The following MAMLD1 variants were observed in gnomAD, a reference collection of about 807,000 sequenced individuals.
MAMLD1 encodes the protein mastermind-like domain-containing protein 1.
Under a neutral mutation model 45.0 loss-of-function variants are expected in MAMLD1, and 14 were observed. The ratio of observed to expected loss-of-function variants is 0.31; its 90% CI spans 0.21 to 0.49. The LOEUF is 0.49. Among genes scored for constraint, MAMLD1 ranks in the 20% least tolerant of loss-of-function variants. The pLI is 0.99. For missense variants in MAMLD1, 543 were observed against 603.6 expected (o/e 0.90, Z 1.05); for synonymous variants, 254 against 247.8 (o/e 1.02, Z -0.24).
At chrX:150,502,871 A>G (rs2037604978) in intron 5 of MAMLD1, among the ~76,000 whole-genome samples, 1 of 111,973 alleles carries the variant, frequency 8.9e-6, no homozygotes, top group Admixed American at 9.4e-5. Flanking sequence ...GGTCAAAGTC[A>G]TTGCTGATGA....
chrX:150,502,802 T>G (rs782505260), intron 5 of MAMLD1, among the ~76,000 whole-genome samples: 2 of 94,722 alleles, frequency 2.1e-5, no homozygotes, highest in South Asian at 6.3e-4. Context: ...TTTAGAGTTG[T>G]GTGCTCCATT....
intron 5 of MAMLD1, among the ~76,000 whole-genome samples, chrX:150,481,968 G>GAA (rs1410651339): frequency 2.9e-5 from 1 of 34,431 alleles, no homozygotes; most frequent in Admixed American, 3.2e-4. Context: ...AAAGAAAAAA[G>GAA]AAAGAAAGAA....
chrX:150,404,539 T>G (rs1424515760), intron 1 of MAMLD1, among the ~76,000 whole-genome samples: 2 of 112,090 alleles, frequency 1.8e-5, no homozygotes, highest in African/African-American at 3.2e-5. Context: ...ACAGCTTTGT[T>G]GAGGTGTAAT....
intron 1 of MAMLD1, among the ~76,000 whole-genome samples, chrX:150,398,445 GTC>G (rs2033617925): frequency 9.0e-6 from 1 of 110,764 alleles, no homozygotes; most frequent in African/African-American, 3.3e-5. Flanking sequence ...CTTTCCAAAG[GTC>G]CATACGAACA....
At chrX:150,460,041 T>C (rs1291067551) in intron 2 of MAMLD1, among the ~76,000 whole-genome samples, 1 of 112,537 alleles carries the variant, frequency 8.9e-6, no homozygotes, top group African/African-American at 3.2e-5. Flanking sequence ...ATCTTTCTCA[T>C]AGAGTTGTGA....
At chrX:150,443,438 A>T (rs2035385542) in intron 1 of MAMLD1, among the ~76,000 whole-genome samples, 1 of 105,678 alleles carries the variant, frequency 9.5e-6, no homozygotes, top group Non-Finnish European at 1.9e-5. Flanking sequence ...TTTAAGTTTT[A>T]GGGTACATGT....
At chrX:150,406,942 G>A (rs2034012392) in intron 1 of MAMLD1, among the ~76,000 whole-genome samples, 2 of 110,935 alleles carry the variant, frequency 1.8e-5, no homozygotes, top group Admixed American at 1.9e-4. Context: ...TATTACAGGC[G>A]ACGGCTGTGT....
chrX:150,398,249 A>AAAG (rs1248069519), intron 1 of MAMLD1, among the ~76,000 whole-genome samples: 69 of 82,535 alleles, frequency 8.4e-4, no homozygotes, highest in Middle Eastern at 5.6e-3. Flanking sequence ...GAAGGAGGAG[A>AAAG]AGGAGAAGAA....
At chrX:150,440,213 C>T (rs1449995849) in intron 1 of MAMLD1, among the ~76,000 whole-genome samples, 1 of 111,075 alleles carries the variant, frequency 9.0e-6, no homozygotes, top group Non-Finnish European at 1.9e-5. Flanking sequence ...TACCCTTGCA[C>T]ACCAAGAATA....
At chrX:150,481,980 G>GA (rs782610933) in intron 5 of MAMLD1, among the ~76,000 whole-genome samples, 2 of 86,222 alleles carry the variant, frequency 2.3e-5, no homozygotes, top group African/African-American at 1.0e-4. Flanking sequence ...AAGAAAGAAA[G>GA]AAAGAAAGAA....
chrX:150,374,157 T>C (rs1431130059), intron 1 of MAMLD1, among the ~76,000 whole-genome samples: 2 of 112,895 alleles, frequency 1.8e-5, no homozygotes, highest in Non-Finnish European at 3.7e-5. Flanking sequence ...GTCTTCTCCT[T>C]AGACAATTGA....
intron 1 of MAMLD1, among the ~76,000 whole-genome samples, chrX:150,424,713 A>T (rs932492431): frequency 2.7e-5 from 3 of 112,713 alleles, no homozygotes; most frequent in Non-Finnish European, 5.6e-5. Context: ...AACAATTTGG[A>T]CTAGAAAAAG....
At chrX:150,451,667 C>T (rs1482264947) in intron 2 of MAMLD1, among the ~76,000 whole-genome samples, 1 of 111,157 alleles carries the variant, frequency 9.0e-6, no homozygotes, top group Non-Finnish European at 1.9e-5. Flanking sequence ...AACCTTCCTC[C>T]TCCCCTTTTG....
At chrX:150,478,582 A>T (rs1362619836) in intron 5 of MAMLD1, among the ~76,000 whole-genome samples, 1 of 112,219 alleles carries the variant, frequency 8.9e-6, no homozygotes. Flanking sequence ...TAGTCCTGCT[A>T]AAATGCAAGA....
At chrX:150,398,380 G>T (rs1452434312) in intron 1 of MAMLD1, among the ~76,000 whole-genome samples, 8 of 109,182 alleles carry the variant, frequency 7.3e-5, no homozygotes, top group African/African-American at 2.7e-4. Context: ...AGAGGAAGAA[G>T]AAGAGGAAGA....
rs2034590514 is a variant in MAMLD1, at chrX:150,423,386, T to TGTGTGTGTGTGTGTG, written c.-63-22068_-63-22067insGTGTGTGTGTGTGTG. Among the ~76,000 whole-genome samples, 33 of 96,885 alleles carry TGTGTGTGTGTGTGTG rather than the reference T, an allele frequency of 3.4e-4. 1 individual carries two copies. The highest frequency in any genetic ancestry group is 6.0e-4 in the Non-Finnish European group (30 of 49,733). 84.1% of individuals were successfully genotyped at this position (96,885 alleles called of 115,157 possible). ...TGTGTGTGTGTGTGTGTGTGTGTGTTTGCACCTTTGGGGCTACGGTTGAGC... is the reference window on the plus strand; with the variant it reads ...TGTGTGTGTGTGTGTGTGTGTGTGTTGTGTGTGTGTGTGTGTGCACCTTTGGGGCTACGGTTGAGC... On this transcript the variant is annotated intron_variant, in intron 1 of 7. Transcript: ENST00000370401.
At chrX:150,378,196 C>T (rs1557401523) in intron 1 of MAMLD1, among the ~76,000 whole-genome samples, 2 of 112,013 alleles carry the variant, frequency 1.8e-5, no homozygotes, top group African/African-American at 6.5e-5. Flanking sequence ...CTGAAGAGTA[C>T]ACGCCAGTTA....
chrX:150,470,050 T>C lies in MAMLD1; in HGVS notation c.477T>C (p.Thr159=), dbSNP rs782701677. The C allele has an allele frequency of 2.0e-5, 24 of 1,210,179 alleles. No homozygotes were observed. In the East Asian group the frequency reaches 6.2e-4, roughly 31 times the overall value. ...CAGAAGTGGGACTGAAAGGGCCCAC[T>C]GTTCCTTACTATGAGAAAATCAACA... ...QTTEVGLKGP[T]VPYYEKINSV... is the part of the protein sequence containing the mutation. Residue 159 remains threonine, a synonymous_variant, in exon 4 of 8, where the codon ACT becomes ACC. Coordinates refer to ENST00000370401, the MANE Select transcript of MAMLD1 (RefSeq NM_005491.5).
chrX:150,504,520 C>A, intron 6 of MAMLD1: 1 of 575,971 alleles, frequency 1.7e-6, no homozygotes, highest in South Asian at 9.1e-5. Flanking sequence ...AGTCACAGAG[C>A]TCCTCAGCTG....
Sources: allele counts gnomAD v4.1 joint callset (sites outside exome capture counted in the v4.1 genomes callset), GRCh38; gene constraint gnomAD v4.1.1; transcripts MANE v1.5; gene names NCBI Gene and HGNC (gene_info 2026-07-23, HGNC 2026-07-21).